The following FAM98B variants were observed in gnomAD, a reference collection of about 807,000 sequenced individuals.
FAM98B encodes tRNA-splicing ligase complex subunit FAM98B.
A neutral mutation model predicts 43.9 loss-of-function variants in FAM98B; 32 were observed. The observed-to-expected ratio is 0.73, with a 90% CI of 0.55 to 0.98. FAM98B has a LOEUF of 0.98. Ranked by LOEUF, FAM98B falls within the 50% of genes least tolerant of loss-of-function variation. The pLI is 0.00. For synonymous variants in FAM98B, 190 were observed against 174.0 expected (o/e 1.09, Z -0.72); for missense variants, 514 against 522.9 (o/e 0.98, Z 0.17).
chr15:38,455,592 C>T (rs1291290034), intron 1 of FAM98B, among the ~76,000 whole-genome samples: 2 of 152,148 alleles, frequency 1.3e-5, no homozygotes, highest in African/African-American at 4.8e-5. Flanking sequence ...TCTGTGAAGT[C>T]CCTTGGAAGT....
intron 3 of FAM98B, among the ~76,000 whole-genome samples, chr15:38,466,653 G>A (rs1890037937): frequency 6.6e-6 from 1 of 152,162 alleles, no homozygotes. Flanking sequence ...AATGGGTACA[G>A]AGTTTCAGTG....
intron 4 of FAM98B, among the ~76,000 whole-genome samples, chr15:38,471,539 C>T (rs2141057812): frequency 6.6e-6 from 1 of 152,156 alleles, no homozygotes; most frequent in African/African-American, 2.4e-5. Context: ...TTCTCAATTA[C>T]CTCTTTGCCC....
chr15:38,459,341 G>T (rs1034351222), intron 1 of FAM98B: 1 of 478,656 alleles, frequency 2.1e-6, no homozygotes, highest in Non-Finnish European at 4.2e-6. Flanking sequence ...CGACTTAGCA[G>T]TGGTGTTGGC....
intron 7 of FAM98B, among the ~76,000 whole-genome samples, chr15:38,483,946 CTCTT>C (rs907120288): frequency 6.6e-6 from 1 of 151,906 alleles, no homozygotes; most frequent in Non-Finnish European, 1.5e-5. Context: ...CATTTATCAT[CTCTT>C]TGTGTTGGAA....
At position 38,465,718 on chromosome 15, in the gene FAM98B, C is replaced by T. The variant is rs116764456; in HGVS notation, c.352+315C>T. 4.3e-3 allele frequency among the ~76,000 whole-genome samples: 659 copies of T among 152,134 alleles called. 4 individuals carry two copies. The highest frequency in any genetic ancestry group is 0.015 in the African/African-American group (635 of 41,522). On this transcript the variant is annotated intron_variant, in intron 3 of 7. Coordinates refer to ENST00000397609, the MANE Select transcript of FAM98B (RefSeq NM_173611.4). ...CTATATGGCTAACATTGATGATCTC[C>T]AAAGTCCTATTTAATCTAAAAACTC... is the stretch of plus-strand genomic sequence containing the variant.
chr15:38,481,674 G>T, intron 7 of FAM98B: 1 of 1,362,196 alleles, frequency 7.3e-7, no homozygotes. Flanking sequence ...TTCTGAATTA[G>T]AGGAATTATG....
chr15:38,469,212 A>G (rs796149587), intron 3 of FAM98B, among the ~76,000 whole-genome samples: 1 of 152,008 alleles, frequency 6.6e-6, no homozygotes, highest in Non-Finnish European at 1.5e-5. Flanking sequence ...AGCCAAAAAC[A>G]AAGTCTTACC....
At chr15:38,466,540 T>G (rs1042536072) in intron 3 of FAM98B, among the ~76,000 whole-genome samples, 1 of 152,136 alleles carries the variant, frequency 6.6e-6, no homozygotes, top group Non-Finnish European at 1.5e-5. Context: ...TACAGGTTTC[T>G]GGTACAAGTA....
intron 4 of FAM98B, among the ~76,000 whole-genome samples, chr15:38,471,221 T>G (rs1890126747): frequency 6.6e-6 from 1 of 152,108 alleles, no homozygotes. Context: ...TGATAATTTA[T>G]GAACTGAAAA....
intron 2 of FAM98B, among the ~76,000 whole-genome samples, chr15:38,464,876 G>A (rs1335502162): frequency 1.3e-5 from 2 of 152,150 alleles, no homozygotes; most frequent in African/African-American, 2.4e-5. Context: ...AGTTGAAACT[G>A]CAGGTGTGGG....
In FAM98B at chr15:38,485,178, A is replaced by G. The variant is rs976998246; in HGVS notation, c.*519A>G. On this transcript the variant is annotated 3_prime_UTR_variant, in exon 8 of 8. Coordinates refer to ENST00000397609, the MANE Select transcript of FAM98B (RefSeq NM_173611.4). ...ATTTAGTAGGCAGTTGTTGTGAATC[A>G]TTTTTTTCTCTTATAGGAGGAGATT... 1.3e-5 allele frequency: 2 copies of G among 152,076 alleles called. No homozygotes were observed. The highest frequency in any genetic ancestry group is 2.4e-5 in the African/African-American group (1 of 41,366). The allele number at this position is 152,076 out of a possible 1,614,324, so 9.4% of individuals were successfully genotyped here.
chr15:38,486,893 T>C lies in FAM98B; in HGVS notation c.*2234T>C, dbSNP rs1251512742. The C allele has an allele frequency of 6.6e-6, 1 of 152,138 alleles. No homozygotes were observed. The highest frequency in any genetic ancestry group is 1.5e-5 in the Non-Finnish European group (1 of 67,978). The allele number at this position is 152,138 out of a possible 1,614,324, so 9.4% of individuals were successfully genotyped here. On this transcript the variant is annotated 3_prime_UTR_variant, in exon 8 of 8. Coordinates refer to ENST00000397609, the MANE Select transcript of FAM98B (RefSeq NM_173611.4). ...AAAATGTTTTATAAATTGAGTGCAATACGACATGGAGTATGATGAATGGCA... is the reference window on the plus strand; with the variant it reads ...AAAATGTTTTATAAATTGAGTGCAACACGACATGGAGTATGATGAATGGCA...
Position 38,468,987 on chromosome 15 carries a change from A to G in FAM98B, c.353-1240A>G, listed in dbSNP as rs551247873. Among the ~76,000 whole-genome samples, 96 of 152,292 alleles carry G rather than the reference A, an allele frequency of 6.3e-4. 1 individual carries two copies. The highest frequency in any genetic ancestry group is 5.8e-4 in the East Asian group (3 of 5,182). On this transcript the variant is annotated intron_variant, in intron 3 of 7. Transcript: ENST00000397609. ...AATGGCACGATCTCGATTCAGTGCA[A>G]CCTTCGCCTCTGGGTTCAAGCAATT... is the stretch of plus-strand genomic sequence containing the variant.
intron 4 of FAM98B, 90 bp from the exon 5 acceptor site, chr15:38,473,415 T>G: frequency 1.2e-6 from 1 of 816,886 alleles, no homozygotes; most frequent in African/African-American, 1.8e-5. Flanking sequence ...TATTTTATTC[T>G]GTAGTGTTCA....
intron 6 of FAM98B, among the ~76,000 whole-genome samples, chr15:38,480,579 A>T (rs1595804331): frequency 6.7e-6 from 1 of 149,466 alleles, no homozygotes; most frequent in Non-Finnish European, 1.5e-5. Context: ...TCTATGCCTC[A>T]TTTTTTTTTT....
At position 38,486,551 on chromosome 15, in the gene FAM98B, C is replaced by T. The variant is rs1890375135; in HGVS notation, c.*1892C>T. 2 of 152,094 alleles carry T rather than the reference C, an allele frequency of 1.3e-5. No individual in the cohort carries two copies. Among genetic ancestry groups the T allele is most frequent in the African/African-American group, 4.8e-5 (2 of 41,436 alleles). The allele number at this position is 152,094 out of a possible 1,614,324, so 9.4% of individuals were successfully genotyped here. A position where few individuals can be genotyped will look rare whatever the true frequency, so the allele number is the denominator to read the frequency against. Reference sequence around the variant, plus strand: ...TAGTTTATCAGTTTCATTAGATTTTCCATAAGATTTCTTTGTACCTTTATA... The same window carrying T: ...TAGTTTATCAGTTTCATTAGATTTTTCATAAGATTTCTTTGTACCTTTATA... On this transcript the variant is annotated 3_prime_UTR_variant, in exon 8 of 8. Transcript: ENST00000397609.
chr15:38,460,245 G>T (rs1454003626), intron 1 of FAM98B, among the ~76,000 whole-genome samples: 2 of 152,176 alleles, frequency 1.3e-5, no homozygotes, highest in African/African-American at 4.8e-5. Flanking sequence ...TAGGAGCATG[G>T]TTATTCTCTG....
chr15:38,484,908 AAAG>A lies in FAM98B; in HGVS notation c.*252_*254del, dbSNP rs1890346837. On this transcript the variant is annotated 3_prime_UTR_variant, in exon 8 of 8. Transcript: ENST00000397609. The stretch of plus-strand genomic sequence containing the variant: ...GTTGTGTCTTTTTAAAAAACAAAAA[AAAG>A]AACAAAAATTATTTTTTAAAATGTA... 2 of 423,834 alleles carry A rather than the reference AAAG, an allele frequency of 4.7e-6. No homozygotes were observed. The highest frequency in any genetic ancestry group is 7.7e-6 in the Non-Finnish European group (2 of 259,578). The allele number at this position is 423,834 out of a possible 1,614,324, so 26.3% of individuals were successfully genotyped here.
At chr15:38,461,818 G>A (rs1889953300) in intron 1 of FAM98B, among the ~76,000 whole-genome samples, 1 of 152,096 alleles carries the variant, frequency 6.6e-6, no homozygotes, top group Admixed American at 6.5e-5. Flanking sequence ...TGACAACTTT[G>A]ATGAATTATG....
Sources: gnomAD v4.1 joint callset for allele counts (sites outside exome capture counted in the v4.1 genomes callset) on GRCh38, gnomAD v4.1.1 for gene constraint, MANE v1.5 for transcripts, NCBI Gene and HGNC (gene_info 2026-07-23, HGNC 2026-07-21) for gene names.